Variants in MICAL3 observed in about 807,000 individuals in gnomAD.
The protein encoded by MICAL3 is [F-actin]-monooxygenase MICAL3.
A neutral mutation model predicts 207.4 loss-of-function variants in MICAL3; 62 were observed. The ratio of observed to expected loss-of-function variants is 0.30; its 90% CI spans 0.24 to 0.37. MICAL3 has a LOEUF of 0.37. MICAL3 is among the 10% of genes least tolerant of loss of function. MICAL3 has a pLI of 1.00. For missense variants in MICAL3, 2,368 were observed against 2,635.6 expected (o/e 0.90, Z 2.22); for synonymous variants, 1,077 against 1,069.3 (o/e 1.01, Z -0.14).
intron 1 of MICAL3, among the ~76,000 whole-genome samples, chr22:17,907,211 G>A (rs1277806694): frequency 7.4e-6 from 1 of 134,890 alleles, no homozygotes. Context: ...GTCACTATTG[G>A]TGGTGAAGGG....
intron 1 of MICAL3, among the ~76,000 whole-genome samples, chr22:17,996,007 T>C (rs1179324598): frequency 6.6e-6 from 1 of 151,628 alleles, no homozygotes; most frequent in Non-Finnish European, 1.5e-5. Context: ...CAAAAAATTT[T>C]AAAAATTAGC....
In MICAL3 at chr22:17,887,911, G is replaced by A. The variant is rs141366318; in HGVS notation, c.1892-476C>T. On this transcript the variant is annotated intron_variant, in intron 13 of 31. Coordinates refer to ENST00000441493, the MANE Select transcript of MICAL3 (RefSeq NM_015241.3). ...GGGGGTGGCACTGAATGGGTACGTC[G>A]ATGTTAGAGCTGTGGCTTTCTGTTG... Among the ~76,000 whole-genome samples the A allele has an allele frequency of 1.2e-3, 186 of 152,276 alleles. 7 individuals carry two copies. The East Asian group carries it at 0.03, about 24-fold the overall frequency.
intron 16 of MICAL3, among the ~76,000 whole-genome samples, chr22:17,878,935 C>A (rs1317262016): frequency 6.6e-6 from 1 of 152,198 alleles, no homozygotes; most frequent in East Asian, 1.9e-4. Flanking sequence ...AGATCCGTGA[C>A]TGCTGAATGC....
chr22:17,825,555 G>A (rs920473326), intron 22 of MICAL3, among the ~76,000 whole-genome samples: 8 of 152,148 alleles, frequency 5.3e-5, no homozygotes, highest in Non-Finnish European at 1.2e-4. Context: ...CCTTCCCTGC[G>A]GCTGTGTGTG....
At chr22:17,911,761 G>A (rs1569130046) in intron 1 of MICAL3, among the ~76,000 whole-genome samples, 1 of 146,766 alleles carries the variant, frequency 6.8e-6, no homozygotes, top group African/African-American at 2.7e-5. Flanking sequence ...GAGCCCAGGA[G>A]GTCGAAGCTG....
intron 1 of MICAL3, chr22:18,005,221 C>T (rs1362746728): frequency 6.6e-6 from 1 of 152,208 alleles, no homozygotes; most frequent in Non-Finnish European, 1.5e-5. Context: ...AGGCGTGAGC[C>T]ACTACGCCAG....
chr22:17,861,430 G>A (rs1404568332), intron 19 of MICAL3: 7 of 985,314 alleles, frequency 7.1e-6, no homozygotes, highest in Middle Eastern at 5.2e-4. Flanking sequence ...TAATGAACCC[G>A]GTGATGAGCA....
At chr22:17,849,114 G>C (rs1924950856) in intron 19 of MICAL3, among the ~76,000 whole-genome samples, 1 of 152,230 alleles carries the variant, frequency 6.6e-6, no homozygotes, top group African/African-American at 2.4e-5. Flanking sequence ...TTGTGAAGCA[G>C]GCGATGAGGG....
At chr22:17,916,980 T>C (rs570748893) in intron 1 of MICAL3, among the ~76,000 whole-genome samples, 1 of 152,218 alleles carries the variant, frequency 6.6e-6, no homozygotes, top group Non-Finnish European at 1.5e-5. Flanking sequence ...CCCCTATCAG[T>C]TGGCATAAAA....
rs1227423153 is a variant in MICAL3 at position 17,889,243 on chromosome 22, A to C, written c.1695-13T>G. On this transcript the variant is annotated splice_polypyrimidine_tract_variant and intron_variant, in intron 12 of 31. Transcript: ENST00000441493. Reference sequence around the variant, plus strand: ...AGAATCAAAATCTCTGAGAAACAGGACAAGGAAAACATATCAAGATAGGTT... The same window carrying C: ...AGAATCAAAATCTCTGAGAAACAGGCCAAGGAAAACATATCAAGATAGGTT... 6.3e-7 allele frequency: 1 copy of C among 1,594,440 alleles called. No individual in the cohort carries two copies. The highest frequency in any genetic ancestry group is 1.3e-5 in the African/African-American group (1 of 74,582).
intron 10 of MICAL3, among the ~76,000 whole-genome samples, chr22:17,895,010 A>C (rs1930707429): frequency 6.6e-6 from 1 of 152,132 alleles, no homozygotes; most frequent in African/African-American, 2.4e-5. Context: ...CTCTTCCGTA[A>C]AGTAAGAATT....
At chr22:17,802,119 G>C (rs774141757) in intron 29 of MICAL3, among the ~76,000 whole-genome samples, 1 of 150,686 alleles carries the variant, frequency 6.6e-6, no homozygotes, top group Non-Finnish European at 1.5e-5. Context: ...CTGGAGTGCA[G>C]TGCTGCGATC....
intron 1 of MICAL3, among the ~76,000 whole-genome samples, chr22:18,014,287 TG>T (rs1043976121): frequency 6.6e-6 from 1 of 152,146 alleles, no homozygotes; most frequent in African/African-American, 2.4e-5. Flanking sequence ...TTCATTCCTG[TG>T]AAGGATGATG....
intron 1 of MICAL3, among the ~76,000 whole-genome samples, chr22:17,946,503 C>T (rs767290815): frequency 6.6e-6 from 1 of 151,940 alleles, no homozygotes; most frequent in Non-Finnish European, 1.5e-5. Context: ...ATCCCTCAGG[C>T]GAGCCTCTGT....
At chr22:17,881,923 G>A (rs1474273228) in intron 16 of MICAL3, among the ~76,000 whole-genome samples, 6 of 152,242 alleles carry the variant, frequency 3.9e-5, no homozygotes, top group African/African-American at 1.2e-4. Context: ...TATTCCCTTC[G>A]AGAGTCTGTC....
In MICAL3 at chr22:17,987,094, G is replaced by T. The variant is rs1186657774; in HGVS notation, c.-75+37187C>A. On this transcript the variant is annotated intron_variant, in intron 1 of 31. Coordinates refer to ENST00000441493, the MANE Select transcript of MICAL3 (RefSeq NM_015241.3). ...CTCCACTAAAAATAAAAAAAAAATT[G>T]TCCAGGCATAGGGGTGCATGCCTGT... Among the ~76,000 whole-genome samples, 4 of 151,846 alleles carry T rather than the reference G, an allele frequency of 2.6e-5. No homozygotes were observed. The South Asian group carries it at 6.2e-4, about 24-fold the overall frequency.
rs112915622 is a variant in MICAL3, at chr22:17,810,539, C to T, written c.5556+164G>A. 8.4e-3 allele frequency among the ~76,000 whole-genome samples: 1,284 copies of T among 152,316 alleles called. 26 individuals are homozygous for T. Among genetic ancestry groups the T allele is most frequent in the African/African-American group, 0.029 (1,186 of 41,560 alleles). On this transcript the variant is annotated intron_variant, in intron 28 of 31. Transcript: ENST00000441493. ...ACTGACAGCTCCACCAAGGCAGGGC[C>T]TCTGTGGCTGCACCAGCCAAAGGTG...
chr22:17,836,899 C>G (rs150423202), intron 20 of MICAL3, among the ~76,000 whole-genome samples: 1 of 152,282 alleles, frequency 6.6e-6, no homozygotes, highest in African/African-American at 2.4e-5. Context: ...CCTGCCTCGG[C>G]CTCCAAAAGT....
intron 1 of MICAL3, among the ~76,000 whole-genome samples, chr22:17,999,932 G>C (rs987879765): frequency 2.0e-5 from 3 of 152,214 alleles, no homozygotes; most frequent in Admixed American, 6.5e-5. Flanking sequence ...TTTCTGACCT[G>C]AGAAGTACAT....
Sources: gnomAD v4.1 joint callset for allele counts (sites outside exome capture counted in the v4.1 genomes callset) on GRCh38, gnomAD v4.1.1 for gene constraint, MANE v1.5 for transcripts, NCBI Gene and HGNC (gene_info 2026-07-23, HGNC 2026-07-21) for gene names.